Variants in PTPRN2 observed in about 807,000 individuals in gnomAD.
The protein encoded by PTPRN2 is protein tyrosine phosphatase receptor type N2.
A neutral mutation model predicts 118.8 loss-of-function variants in PTPRN2; 74 were observed. The observed-to-expected ratio is 0.62, with a 90% CI of 0.52 to 0.76. The LOEUF (loss-of-function observed/expected upper bound fraction) is 0.76. Ranked by LOEUF, PTPRN2 falls within the 30% of genes least tolerant of loss-of-function variation. The probability of loss-of-function intolerance (pLI) is 0.00; values close to 1 mark genes in which losing one functional copy is unlikely to be tolerated. For missense variants in PTPRN2, 1,481 were observed against 1,394.4 expected, an observed-to-expected ratio of 1.06 and a Z score of -0.99; for synonymous variants, 641 against 608.0, an observed-to-expected ratio of 1.05 and a Z score of -0.80.
chr7:157,653,257 G>A lies in PTPRN2; in HGVS notation c.2196+3100C>T, dbSNP rs746713623. 1.9e-3 allele frequency among the ~76,000 whole-genome samples: 287 copies of A among 152,326 alleles called. 1 individual carries two copies. Among genetic ancestry groups the A allele is most frequent in the Non-Finnish European group, 3.5e-3 (238 of 68,028 alleles). On this transcript the variant is annotated intron_variant, in intron 14 of 22. Transcript: ENST00000389418. ...TGTCCAACGTGCCCCAGGAGTGGCT[G>A]CATGTCAGGAACATGTCGCTGGGAA...
At chr7:157,602,930 G>A (rs961561606) in intron 16 of PTPRN2, among the ~76,000 whole-genome samples, 1 of 152,254 alleles carries the variant, frequency 6.6e-6, no homozygotes, top group African/African-American at 2.4e-5. Context: ...ATTGCATCCT[G>A]CAGGCACCAT....
At chr7:157,769,308 G>T (rs1802664527) in intron 12 of PTPRN2, among the ~76,000 whole-genome samples, 1 of 152,172 alleles carries the variant, frequency 6.6e-6, no homozygotes, top group South Asian at 2.1e-4. Flanking sequence ...TTTAATTACT[G>T]CTAATCTGAG....
At chr7:158,337,068 T>C (rs1250108452) in intron 2 of PTPRN2, among the ~76,000 whole-genome samples, 1 of 135,930 alleles carries the variant, frequency 7.4e-6, no homozygotes, top group African/African-American at 2.7e-5. Flanking sequence ...CCATAAGAGC[T>C]GACACCCGCA....
chr7:157,829,946 G>C (rs578204488), intron 12 of PTPRN2, among the ~76,000 whole-genome samples: 1 of 152,208 alleles, frequency 6.6e-6, no homozygotes, highest in Non-Finnish European at 1.5e-5. Context: ...TCTGTGGGCC[G>C]TGCTTCTAGC....
At chr7:158,144,146 C>T (rs1440178333) in intron 6 of PTPRN2, among the ~76,000 whole-genome samples, 1 of 152,182 alleles carries the variant, frequency 6.6e-6, no homozygotes, top group African/African-American at 2.4e-5. Context: ...GAATAAAAAT[C>T]ATGTGACTTC....
rs1798554737 is a variant in PTPRN2, at chr7:157,550,689, G to A, written c.2903-1670C>T. Among the ~76,000 whole-genome samples, 1 of 152,182 alleles carries A rather than the reference G, an allele frequency of 6.6e-6. No homozygotes were observed. ...AAAGGACCCCATTCTCCTGGGCAGG[G>A]AACACCATGAGGGCCACCACCTTTT... is the stretch of plus-strand genomic sequence containing the variant. On this transcript the variant is annotated intron_variant, in intron 21 of 22. Transcript: ENST00000389418. The surrounding 1 kb of genome is among the most constrained non-coding windows in gnomAD (Gnocchi z 5.2).
chr7:158,140,280 G>A (rs73514422), intron 6 of PTPRN2, among the ~76,000 whole-genome samples: 115 of 152,330 alleles, frequency 7.5e-4, no homozygotes, highest in African/African-American at 2.4e-3. Context: ...TTTCAAAGGC[G>A]CCAGGGCGTT....
chr7:157,684,001 ATC>A (rs1275683723), intron 12 of PTPRN2, among the ~76,000 whole-genome samples: 4 of 152,006 alleles, frequency 2.6e-5, no homozygotes, highest in Admixed American at 2.0e-4. Context: ...CCTATTCATT[ATC>A]TCTCTTCTAT....
intron 12 of PTPRN2, among the ~76,000 whole-genome samples, chr7:157,775,253 CTGT>C (rs1803129702): frequency 2.6e-5 from 4 of 152,210 alleles, no homozygotes; most frequent in Admixed American, 2.0e-4. Context: ...GCGGCAGCTA[CTGT>C]CATATGAGCT....
chr7:158,343,326 C>T (rs75067665), intron 2 of PTPRN2, among the ~76,000 whole-genome samples: 6 of 152,308 alleles, frequency 3.9e-5, no homozygotes, highest in East Asian at 1.9e-4. Context: ...GTCAAGGCAA[C>T]GCAAATCAAA....
intron 4 of PTPRN2, among the ~76,000 whole-genome samples, chr7:158,199,963 C>T (rs551510644): frequency 6.6e-5 from 10 of 152,192 alleles, no homozygotes; most frequent in African/African-American, 2.4e-4. Context: ...GCTTGAAAAT[C>T]TAGAGGTGAT....
At chr7:157,938,493 C>T (rs1403639427) in intron 11 of PTPRN2, among the ~76,000 whole-genome samples, 1 of 152,210 alleles carries the variant, frequency 6.6e-6, no homozygotes, top group African/African-American at 2.4e-5. Flanking sequence ...ACGTGCAGAC[C>T]ACTGCCCACC....
In PTPRN2 at chr7:157,583,935, C is replaced by T; in HGVS notation, c.2497-5795G>A. ...ACACACACACACACACACACACACA[C>T]TCTTAAAATAAGCTCTCCTGAAGCC... On this transcript the variant is annotated intron_variant, in intron 17 of 22. Transcript: ENST00000389418. The surrounding 1 kb of genome is among the most constrained non-coding windows in gnomAD (Gnocchi z 5.5). 7.4e-6 allele frequency among the ~76,000 whole-genome samples: 1 copy of T among 135,380 alleles called. No homozygotes were observed. The highest frequency in any genetic ancestry group is 1.6e-5 in the Non-Finnish European group (1 of 62,586). The allele number at this position is 135,380 out of a possible 152,430, so 88.8% of individuals were successfully genotyped here.
rs1192076518 is a variant in PTPRN2, at chr7:157,987,420, G to A, written c.1724-88683C>T. Among the ~76,000 whole-genome samples, 1 of 151,990 alleles carries A rather than the reference G, an allele frequency of 6.6e-6. No individual in the cohort carries two copies. Among genetic ancestry groups the A allele is most frequent in the Non-Finnish European group, 1.5e-5 (1 of 67,994 alleles). ...ATGACCCCTCACTAATGGGGTGATC[G>A]GTCACTAAACGGGGTGAGATGACAG... On this transcript the variant is annotated intron_variant, in intron 11 of 22. Coordinates refer to ENST00000389418, the MANE Select transcript of PTPRN2 (RefSeq NM_002847.5). This position sits in a 1 kb window ranked among gnomAD's most constrained non-coding sequence, Gnocchi z 4.3.
intron 12 of PTPRN2, among the ~76,000 whole-genome samples, chr7:157,788,332 A>G (rs1804205610): frequency 6.9e-6 from 1 of 145,264 alleles, no homozygotes; most frequent in Non-Finnish European, 1.5e-5. Context: ...CTGAGATTGC[A>G]CCACTGCACT....
At chr7:158,336,689 C>A (rs1279291683) in intron 2 of PTPRN2, among the ~76,000 whole-genome samples, 2 of 129,512 alleles carry the variant, frequency 1.5e-5, no homozygotes, top group African/African-American at 2.8e-5. Context: ...GAGCTGACGC[C>A]CGCAGACGTC....
Position 157,874,476 on chromosome 7 carries a change from C to G in PTPRN2, c.1788+24197G>C, listed in dbSNP as rs1795589552. On this transcript the variant is annotated intron_variant, in intron 12 of 22. Coordinates refer to ENST00000389418, the MANE Select transcript of PTPRN2 (RefSeq NM_002847.5). The surrounding 1 kb of genome is among the most constrained non-coding windows in gnomAD (Gnocchi z 5.8). ...TGGCCCCAGCCACAGTGCCTTCCTG[C>G]CAGCCAACCATGTTCACAAGGAAGT... 6.6e-6 allele frequency among the ~76,000 whole-genome samples: 1 copy of G among 152,214 alleles called. No individual in the cohort carries two copies. The highest frequency in any genetic ancestry group is 2.1e-4 in the South Asian group (1 of 4,830).
intron 11 of PTPRN2, among the ~76,000 whole-genome samples, chr7:157,911,535 CA>C (rs994929301): frequency 9.9e-5 from 15 of 151,898 alleles, no homozygotes; most frequent in African/African-American, 3.4e-4. Flanking sequence ...ATTTGTAATT[CA>C]AAAATATTAA....
intron 1 of PTPRN2, among the ~76,000 whole-genome samples, chr7:158,551,269 T>C (rs952472635): frequency 3.9e-5 from 6 of 152,224 alleles, no homozygotes; most frequent in African/African-American, 1.2e-4. Context: ...CATGATGCTG[T>C]CTCATGGTCT....
Sources: allele counts gnomAD v4.1 joint callset (sites outside exome capture counted in the v4.1 genomes callset), GRCh38; gene constraint gnomAD v4.1.1; non-coding constraint Gnocchi (gnomAD v3.1); transcripts MANE v1.5; gene names NCBI Gene and HGNC (gene_info 2026-07-23, HGNC 2026-07-21).